BCL2: variants seen among roughly 807,000 people sequenced by gnomAD.
BCL2 encodes the protein BCL2 apoptosis regulator.
A neutral mutation model predicts 14.2 loss-of-function variants in BCL2; 1 was observed. That is an observed-to-expected ratio of 0.07 (90% CI 0.02 to 0.33). BCL2 has a LOEUF of 0.33. Among genes scored for constraint, BCL2 ranks in the 10% least tolerant of loss-of-function variants. The pLI is 0.99. For synonymous variants in BCL2, 151 were observed against 137.2 expected, an observed-to-expected ratio of 1.10 and a Z score of -0.70; for missense variants, 247 against 305.9, an observed-to-expected ratio of 0.81 and a Z score of 1.44.
At chr18:63,290,956 C>T (rs763262182) in intron 2 of BCL2, among the ~76,000 whole-genome samples, 21 of 152,126 alleles carry the variant, frequency 1.4e-4, no homozygotes, top group African/African-American at 3.1e-4. Flanking sequence ...GGTGATAAAG[C>T]GGCTCACCAT....
At position 63,293,567 on chromosome 18, in the gene BCL2, C is replaced by T. The variant is rs186056066; in HGVS notation, c.585+24515G>A. ...TTCAAATGGGTACATTCCTAGAAGA[C>T]GGGACAGCAGGCTCTGAGGAGGCAG... On this transcript the variant is annotated intron_variant, in intron 2 of 2. Coordinates refer to ENST00000333681, the MANE Select transcript of BCL2 (RefSeq NM_000633.3). Among the ~76,000 whole-genome samples, 202 of 152,232 alleles carry T rather than the reference C, an allele frequency of 1.3e-3. 6 individuals are homozygous for T. In the South Asian group the frequency reaches 0.038, roughly 29 times the overall value.
intron 2 of BCL2, among the ~76,000 whole-genome samples, chr18:63,214,524 C>T (rs915187968): frequency 1.3e-5 from 2 of 152,042 alleles, no homozygotes; most frequent in African/African-American, 4.8e-5. Context: ...TGAAAAGTCA[C>T]CTGTGATGTG....
intron 2 of BCL2, among the ~76,000 whole-genome samples, chr18:63,223,509 A>G (rs1910462969): frequency 6.6e-6 from 1 of 152,186 alleles, no homozygotes; most frequent in Admixed American, 6.5e-5. Flanking sequence ...CTTTATCACA[A>G]CTGCTAATAC....
chr18:63,141,367 C>T (rs929026397), intron 2 of BCL2, among the ~76,000 whole-genome samples: 9 of 151,834 alleles, frequency 5.9e-5, no homozygotes, highest in African/African-American at 2.2e-4. Context: ...CTTCTCCCCA[C>T]CTGGCCTCAG....
At chr18:63,197,428 G>A (rs1317211441) in intron 2 of BCL2, among the ~76,000 whole-genome samples, 1 of 152,212 alleles carries the variant, frequency 6.6e-6, no homozygotes, top group Non-Finnish European at 1.5e-5. Context: ...GCTATTTCTG[G>A]TGTCATCTTC....
intron 2 of BCL2, among the ~76,000 whole-genome samples, chr18:63,282,879 C>T (rs932123682): frequency 3.9e-5 from 6 of 152,116 alleles, no homozygotes; most frequent in African/African-American, 1.4e-4. Flanking sequence ...GATTTTAGAA[C>T]ATTCAGTGAT....
At chr18:63,184,780 A>G (rs1915553727) in intron 2 of BCL2, among the ~76,000 whole-genome samples, 1 of 152,252 alleles carries the variant, frequency 6.6e-6, no homozygotes, top group African/African-American at 2.4e-5. Flanking sequence ...CTTGAGGGCC[A>G]TACTCTTAGT....
At position 63,128,347 on chromosome 18, in the gene BCL2, T is replaced by C. The variant is rs1263906851; in HGVS notation, c.*278A>G. 1 of 286,820 alleles carries C rather than the reference T, an allele frequency of 3.5e-6. No homozygotes were observed. The highest frequency in any genetic ancestry group is 5.1e-5 in the Admixed American group (1 of 19,734). The allele number at this position is 286,820 out of a possible 1,614,324, so 17.8% of individuals were successfully genotyped here. ...GTCGGATTTCCAAAGACAGGAGTTTTGATGGGACTGTCTTAAATAAATAAA... is the reference window on the plus strand; with the variant it reads ...GTCGGATTTCCAAAGACAGGAGTTTCGATGGGACTGTCTTAAATAAATAAA... On this transcript the variant is annotated 3_prime_UTR_variant, in exon 3 of 3. Transcript: ENST00000333681.
chr18:63,198,243 T>TGACAC (rs1909507192), intron 2 of BCL2, among the ~76,000 whole-genome samples: 4 of 87,106 alleles, frequency 4.6e-5, no homozygotes, highest in South Asian at 4.0e-4. Flanking sequence ...CACACTGACA[T>TGACAC]AGAGACACAC....
chr18:63,263,270 C>T (rs578143284), intron 2 of BCL2, among the ~76,000 whole-genome samples: 1 of 152,302 alleles, frequency 6.6e-6, no homozygotes, highest in South Asian at 2.1e-4. Context: ...GAACCTCAAA[C>T]GTTTTTCAAA....
At chr18:63,302,931 C>G in intron 2 of BCL2, 2 of 961,156 alleles carry the variant, frequency 2.1e-6, no homozygotes, top group Non-Finnish European at 1.2e-6. Context: ...AAATAACTCT[C>G]CCTTGATACG....
intron 2 of BCL2, among the ~76,000 whole-genome samples, chr18:63,212,257 G>A (rs1282725571): frequency 1.3e-5 from 2 of 151,674 alleles, no homozygotes; most frequent in African/African-American, 4.8e-5. Flanking sequence ...GAACCCAGGA[G>A]GCAGAGGTTG....
chr18:63,243,360 C>T (rs910617469), intron 2 of BCL2, among the ~76,000 whole-genome samples: 1 of 151,970 alleles, frequency 6.6e-6, no homozygotes, highest in African/African-American at 2.4e-5. Context: ...TAGGACCTAT[C>T]AGAGGATGAA....
chr18:63,143,625 T>C (rs947055942), intron 2 of BCL2, among the ~76,000 whole-genome samples: 1 of 152,254 alleles, frequency 6.6e-6, no homozygotes, highest in Admixed American at 6.5e-5. Flanking sequence ...AAGTATGTGC[T>C]GGCTGCATTG....
At chr18:63,167,135 A>G (rs974976534) in intron 2 of BCL2, among the ~76,000 whole-genome samples, 1 of 152,204 alleles carries the variant, frequency 6.6e-6, no homozygotes, top group African/African-American at 2.4e-5. Context: ...GTATAATTCT[A>G]TAATAAATAT....
intron 2 of BCL2, among the ~76,000 whole-genome samples, chr18:63,300,791 C>G (rs927091824): frequency 6.6e-6 from 1 of 152,164 alleles, no homozygotes; most frequent in African/African-American, 2.4e-5. Flanking sequence ...GCCTGCCCCA[C>G]GCAGAAGAGC....
At chr18:63,159,320 G>A (rs1339965633) in intron 2 of BCL2, among the ~76,000 whole-genome samples, 2 of 152,172 alleles carry the variant, frequency 1.3e-5, no homozygotes, top group South Asian at 2.1e-4. Flanking sequence ...GCGTACCTTC[G>A]CCTCCACTAA....
At chr18:63,169,398 TTTC>T (rs1200099067) in intron 2 of BCL2, among the ~76,000 whole-genome samples, 5 of 122,862 alleles carry the variant, frequency 4.1e-5, no homozygotes, top group African/African-American at 1.7e-4. Flanking sequence ...TTTTTCTTTC[TTTC>T]TTTTTCTTTC....
chr18:63,158,632 G>T (rs1599215330), intron 2 of BCL2, among the ~76,000 whole-genome samples: 1 of 152,168 alleles, frequency 6.6e-6, no homozygotes, highest in South Asian at 2.1e-4. Flanking sequence ...CTTCAATAAG[G>T]TATTGCCTGA....
Sources: gnomAD v4.1 joint callset for allele counts (sites outside exome capture counted in the v4.1 genomes callset) on GRCh38, gnomAD v4.1.1 for gene constraint, MANE v1.5 for transcripts, NCBI Gene and HGNC (gene_info 2026-07-23, HGNC 2026-07-21) for gene names.